The following ETS1 variants were observed in gnomAD, a reference collection of about 807,000 sequenced individuals.
ETS1 encodes protein C-ets-1.
Under a neutral mutation model 58.6 loss-of-function variants are expected in ETS1, and 15 were observed. The observed-to-expected ratio is 0.26, with a 90% CI of 0.17 to 0.39. The LOEUF (loss-of-function observed/expected upper bound fraction) is 0.39. Ranked by LOEUF, ETS1 falls within the 10% of genes least tolerant of loss-of-function variation. The pLI is 1.00. For synonymous variants in ETS1, 214 were observed against 218.2 expected, an observed-to-expected ratio of 0.98 and a Z score of 0.17; for missense variants, 417 against 610.5, an observed-to-expected ratio of 0.68 and a Z score of 3.34.
At chr11:128,556,491 C>A (rs2135557854) in intron 2 of ETS1, 56 bp from the exon 3 acceptor site, 1 of 1,212,902 alleles carries the variant, frequency 8.2e-7, no homozygotes. Context: ...TGTTGTTTAG[C>A]CCTAAAGAAC....
chr11:128,473,026 C>T (rs778578724), intron 8 of ETS1, among the ~76,000 whole-genome samples: 5 of 151,826 alleles, frequency 3.3e-5, no homozygotes, highest in South Asian at 2.1e-4. Context: ...ACCTCCTCCT[C>T]TAAAAAGAAA....
At chr11:128,545,048 G>C (rs1450753889) in intron 3 of ETS1, among the ~76,000 whole-genome samples, 1 of 152,088 alleles carries the variant, frequency 6.6e-6, no homozygotes, top group Non-Finnish European at 1.5e-5. Context: ...AGGGGACAAA[G>C]GGAGTATGAT....
intron 2 of ETS1, among the ~76,000 whole-genome samples, chr11:128,565,795 C>T (rs143445519): frequency 3.9e-5 from 6 of 152,264 alleles, no homozygotes; most frequent in Admixed American, 6.5e-5. Context: ...TCTCTAGTAC[C>T]AAATAATTTG....
rs752273682 is a variant in ETS1, at chr11:128,556,335, A to G, written c.170T>C (p.Met57Thr). Residue 57 changes from methionine (M) to threonine (T), a missense_variant, in exon 3 of 10, where the codon ATG becomes ACG. By Grantham distance (81) the Met-to-Thr change is moderately conservative. This residue lies in a region of ETS1 where 90 missense variants were observed against 90.3 expected (regional missense o/e 1.00). Coordinates refer to ENST00000392668, the MANE Select transcript of ETS1 (RefSeq NM_001143820.2). ...QRPCYPFWDEMATQEVPTGLE... is the reference protein window; with the variant it reads ...QRPCYPFWDETATQEVPTGLE... ...ACCAGTAGGAACTTCCTGAGTTGCCATCTCATCCCAAAAGGGGTAGCAAGG... is the reference window on the plus strand; with the variant it reads ...ACCAGTAGGAACTTCCTGAGTTGCCGTCTCATCCCAAAAGGGGTAGCAAGG... 5.0e-6 allele frequency: 8 copies of G among 1,613,656 alleles called. No homozygotes were observed. The East Asian group carries it at 1.3e-4, about 27-fold the overall frequency.
intron 3 of ETS1, among the ~76,000 whole-genome samples, chr11:128,498,238 T>C (rs182788807): frequency 7.7e-4 from 117 of 152,178 alleles, no homozygotes; most frequent in African/African-American, 2.7e-3. Flanking sequence ...AAGCATCTTA[T>C]AAAATATAAA....
At chr11:128,510,528 T>C (rs1439663390) in intron 3 of ETS1, among the ~76,000 whole-genome samples, 1 of 152,074 alleles carries the variant, frequency 6.6e-6, no homozygotes, top group South Asian at 2.1e-4. Context: ...CCCAAAACTA[T>C]TGGTACATGG....
chr11:128,515,252 TCACACACACA>T (rs34618232), intron 3 of ETS1, among the ~76,000 whole-genome samples: 2 of 150,498 alleles, frequency 1.3e-5, no homozygotes, highest in African/African-American at 4.9e-5. Context: ...TATCTCTCTG[TCACACACACA>T]CACACACACA....
intron 3 of ETS1, chr11:128,505,042 G>T (rs1241607794): frequency 6.6e-6 from 1 of 152,218 alleles, no homozygotes. Context: ...TGATACCATG[G>T]TGTCTGATGG....
intron 3 of ETS1, among the ~76,000 whole-genome samples, chr11:128,507,118 G>A (rs569935796): frequency 5.8e-4 from 88 of 152,230 alleles, no homozygotes; most frequent in South Asian, 2.7e-3. Flanking sequence ...TGTGATGCCA[G>A]GGATCTTTTT....
In ETS1 at chr11:128,556,152, C is replaced by T. The variant is rs574571066; in HGVS notation, c.214+139G>A. The T allele has an allele frequency of 3.4e-4, 240 of 700,108 alleles. 2 individuals are homozygous for T. In the African/African-American group the frequency reaches 3.5e-3, roughly 10 times the overall value. 43.4% of individuals were successfully genotyped at this position (700,108 alleles called of 1,614,324 possible). A position where few individuals can be genotyped will look rare whatever the true frequency, so the allele number is the denominator to read the frequency against. On this transcript the variant is annotated intron_variant, in intron 3 of 9. Coordinates refer to ENST00000392668, the MANE Select transcript of ETS1 (RefSeq NM_001143820.2). ...TAACCCAAAATTTATGGAGAAGGCC[C>T]GGGACTTTCCATTCAAGAACAATAG...
chr11:128,585,136 AAAAGAAAGAAAGAAAG>A (rs778744570), intron 1 of ETS1, among the ~76,000 whole-genome samples: 1 of 13,922 alleles, frequency 7.2e-5, no homozygotes, highest in Non-Finnish European at 1.2e-4. Context: ...AGAAAGAAAG[AAAAGAAAGAAAGAAAG>A]AAAGAAAGAA....
At chr11:128,572,609 T>C (rs1565415533) in intron 2 of ETS1, among the ~76,000 whole-genome samples, 1 of 152,232 alleles carries the variant, frequency 6.6e-6, no homozygotes, top group South Asian at 2.1e-4. Context: ...ATTTATGAAA[T>C]TTTTCCATAA....
chr11:128,485,219 C>A (rs1862596096), intron 6 of ETS1, 148 bp from the exon 7 acceptor site: 2 of 656,756 alleles, frequency 3.0e-6, no homozygotes, highest in Admixed American at 3.2e-5. Flanking sequence ...GCATTTTTAA[C>A]CTTGTCCACT....
intron 3 of ETS1, among the ~76,000 whole-genome samples, chr11:128,509,449 G>A (rs1863330875): frequency 2.0e-5 from 3 of 152,122 alleles, no homozygotes; most frequent in Admixed American, 6.6e-5. Flanking sequence ...GGAGAGTGGG[G>A]GCCAAAGCAC....
intron 2 of ETS1, among the ~76,000 whole-genome samples, chr11:128,569,732 G>C (rs964689790): frequency 6.6e-6 from 1 of 152,196 alleles, no homozygotes; most frequent in Non-Finnish European, 1.5e-5. Context: ...TAGAGAAAGA[G>C]TATGTGAAAA....
chr11:128,571,047 A>AAG (rs1277240983), intron 2 of ETS1, among the ~76,000 whole-genome samples: 2 of 152,196 alleles, frequency 1.3e-5, no homozygotes, highest in African/African-American at 4.8e-5. Flanking sequence ...ACAGCTACTG[A>AAG]AGAGAGATGT....
chr11:128,528,899 T>C (rs1863849314), intron 3 of ETS1: 1 of 152,220 alleles, frequency 6.6e-6, no homozygotes, highest in African/African-American at 2.4e-5. Context: ...TTTTATCTAA[T>C]TTTTTATTCT....
intron 1 of ETS1, among the ~76,000 whole-genome samples, chr11:128,585,008 A>AAAGGAAGG (rs1565420911): frequency 6.3e-5 from 2 of 31,918 alleles, no homozygotes; most frequent in African/African-American, 2.3e-4. Flanking sequence ...GGAAGGAAAG[A>AAAGGAAGG]AAGGAAAGAA....
rs1861884985 is a variant in ETS1 at position 128,460,646 on chromosome 11, CTT to C, written c.*1713_*1714del. On this transcript the variant is annotated 3_prime_UTR_variant, in exon 10 of 10. Transcript: ENST00000392668. ...CTTTTCCTCACTAGTTAGATGTTGA[CTT>C]TTCCTCTAAAACTCCATTTTCAGAT... is the stretch of plus-strand genomic sequence containing the variant. 1.3e-5 allele frequency: 2 copies of C among 152,318 alleles called. No homozygotes were observed. Among genetic ancestry groups the C allele is most frequent in the Non-Finnish European group, 2.9e-5 (2 of 68,026 alleles). The allele number at this position is 152,318 out of a possible 1,614,324, so 9.4% of individuals were successfully genotyped here.
Sources: gnomAD v4.1 joint callset for allele counts (sites outside exome capture counted in the v4.1 genomes callset) on GRCh38, gnomAD v4.1.1 for gene constraint, gnomAD v4.1.1 regional missense constraint, MANE v1.5 for transcripts, NCBI Gene and HGNC (gene_info 2026-07-23, HGNC 2026-07-21) for gene names.